COL27A1: variants seen among roughly 807,000 people sequenced by gnomAD.
The protein encoded by COL27A1 is collagen alpha-1(XXVII) chain.
In COL27A1, 106 loss-of-function variants were observed where a neutral mutation model predicts 251.3. The observed-to-expected ratio is 0.42, with a 90% CI of 0.36 to 0.50. The LOEUF (loss-of-function observed/expected upper bound fraction) is 0.50, where lower values mean the gene tolerates loss of function less well. COL27A1 is among the 20% of genes least tolerant of loss of function. The pLI, the probability that COL27A1 is intolerant of heterozygous loss-of-function variation, is 0.00. For missense variants in COL27A1, 2,325 were observed against 2,522.8 expected, an observed-to-expected ratio of 0.92 and a Z score of 1.68; for synonymous variants, 1,000 against 986.3, an observed-to-expected ratio of 1.01 and a Z score of -0.26.
chr9:114,289,611 G>T lies in COL27A1; in HGVS notation c.4206+316G>T, dbSNP rs1391383807. ...AAACTGGGAGAAGTCAATTGAGGGGGTCTGGAGGAAGAGGAGGCAGAGACA... is the reference window on the plus strand; with the variant it reads ...AAACTGGGAGAAGTCAATTGAGGGGTTCTGGAGGAAGAGGAGGCAGAGACA... On this transcript the variant is annotated intron_variant, in intron 45 of 60. Coordinates refer to ENST00000356083, the MANE Select transcript of COL27A1 (RefSeq NM_032888.4). Among the ~76,000 whole-genome samples the T allele has an allele frequency of 3.9e-5, 6 of 152,306 alleles. No individual in the cohort carries two copies. The East Asian group carries it at 1.2e-3, about 30-fold the overall frequency.
intron 8 of COL27A1, among the ~76,000 whole-genome samples, 156 bp downstream of exon 8, chr9:114,205,302 C>T (rs1003949646): frequency 6.6e-6 from 1 of 152,216 alleles, no homozygotes. Context: ...CACTCCAGTC[C>T]ACCCCACCTC....
intron 4 of COL27A1, among the ~76,000 whole-genome samples, chr9:114,180,862 C>T (rs570943726): frequency 6.6e-6 from 1 of 152,300 alleles, no homozygotes; most frequent in Non-Finnish European, 1.5e-5. Flanking sequence ...AGGAAGCCCC[C>T]ACCTTCAGAA....
intron 16 of COL27A1, among the ~76,000 whole-genome samples, chr9:114,233,065 C>G (rs1456446991): frequency 6.6e-6 from 1 of 152,116 alleles, no homozygotes; most frequent in Non-Finnish European, 1.5e-5. Flanking sequence ...AGCAAGACTC[C>G]CTCTCAAAAA....
intron 13 of COL27A1, 50 bp from the exon 14 acceptor site, chr9:114,222,173 C>T: frequency 6.4e-7 from 1 of 1,560,038 alleles, no homozygotes; most frequent in South Asian, 1.1e-5. Context: ...AGGGAGGGGC[C>T]CTGGAGGGAG....
intron 28 of COL27A1, among the ~76,000 whole-genome samples, chr9:114,264,008 C>T (rs867116271): frequency 1.3e-5 from 2 of 152,210 alleles, no homozygotes; most frequent in African/African-American, 4.8e-5. Flanking sequence ...GCCGTGTGGA[C>T]GTGGCCACGT....
intron 5 of COL27A1, among the ~76,000 whole-genome samples, chr9:114,193,226 G>T (rs114222458): frequency 0.028 from 4,215 of 152,248 alleles, 145 homozygotes; most frequent in African/African-American, 0.073. Flanking sequence ...GTGACACAGG[G>T]TGGACTGACT....
At chr9:114,213,891 C>G (rs1423328090) in intron 12 of COL27A1, among the ~76,000 whole-genome samples, 1 of 152,182 alleles carries the variant, frequency 6.6e-6, no homozygotes, top group Non-Finnish European at 1.5e-5. Context: ...CTCTGATCTT[C>G]ATGACAGGCG....
chr9:114,185,989 G>T (rs892504535), intron 5 of COL27A1, among the ~76,000 whole-genome samples: 4 of 152,220 alleles, frequency 2.6e-5, no homozygotes, highest in Non-Finnish European at 5.9e-5. Context: ...CCTCCGGAGG[G>T]TGCAGAAGAG....
chr9:114,201,966 G>A (rs1829611704), intron 7 of COL27A1, among the ~76,000 whole-genome samples: 1 of 152,188 alleles, frequency 6.6e-6, no homozygotes, highest in Admixed American at 6.5e-5. Flanking sequence ...TGTGGCCTCA[G>A]CAAAGTCTCT....
chr9:114,191,335 G>A (rs1377025708), intron 5 of COL27A1, among the ~76,000 whole-genome samples: 1 of 152,060 alleles, frequency 6.6e-6, no homozygotes, highest in Non-Finnish European at 1.5e-5. Flanking sequence ...CGTGTGCCAT[G>A]GTGGTTTGTT....
chr9:114,232,564 G>A (rs565250252), intron 16 of COL27A1, among the ~76,000 whole-genome samples: 3 of 152,244 alleles, frequency 2.0e-5, no homozygotes, highest in Admixed American at 6.5e-5. Flanking sequence ...GGGGGTGCAG[G>A]AGGGGTTCAG....
Position 114,183,025 on chromosome 9 carries a change from C to G in COL27A1, c.1966C>G (p.Pro656Ala), listed in dbSNP as rs1344379232. The change falls in exon 5 of 61, where the codon CCT (proline) becomes GCT (alanine). Residue 656 changes from proline (P) to alanine (A), a missense_variant. Physicochemically the swap from Pro to Ala is conservative, Grantham distance 27 (BLOSUM62 -1). This residue lies in a region of COL27A1 where 1,183 missense variants were observed against 1,144.1 expected (regional missense o/e 1.03). Coordinates refer to ENST00000356083, the MANE Select transcript of COL27A1 (RefSeq NM_032888.4). ...TTTTGTTCCTTGTCTCTTTCAGGGTCCTCCTGGGCCTTATGGAAATCCAGG... is the reference window on the plus strand; with the variant it reads ...TTTTGTTCCTTGTCTCTTTCAGGGTGCTCCTGGGCCTTATGGAAATCCAGG... ...GIPGARGPRG[P>A]PGPYGNPGLP... The G allele has an allele frequency of 1.9e-6, 3 of 1,613,560 alleles. No homozygotes were observed. The highest frequency in any genetic ancestry group is 1.7e-6 in the Non-Finnish European group (2 of 1,179,870).
intron 3 of COL27A1, among the ~76,000 whole-genome samples, chr9:114,175,031 C>A (rs151276382): frequency 0.061 from 644 of 10,552 alleles, 7 homozygotes; most frequent in African/African-American, 0.24. Context: ...GCTTGTAAAA[C>A]CTCTCATTGC....
intron 25 of COL27A1, among the ~76,000 whole-genome samples, chr9:114,252,245 G>GGGAT (rs1416877400): frequency 6.6e-6 from 1 of 152,202 alleles, no homozygotes; most frequent in East Asian, 1.9e-4. Context: ...CCTAGCCCAG[G>GGGAT]GGATGCCAGG....
chr9:114,214,010 C>T (rs1444310251), intron 12 of COL27A1, among the ~76,000 whole-genome samples: 1 of 152,174 alleles, frequency 6.6e-6, no homozygotes, highest in African/African-American at 2.4e-5. Context: ...CAACTCTGTT[C>T]CAGCCACCAT....
chr9:114,194,708 T>C (rs1828985351), intron 6 of COL27A1, among the ~76,000 whole-genome samples: 1 of 152,214 alleles, frequency 6.6e-6, no homozygotes, highest in Admixed American at 6.5e-5. Flanking sequence ...TGACAAAAGA[T>C]TTCTCCTATG....
chr9:114,215,870 A>G (rs1830680312), intron 12 of COL27A1, among the ~76,000 whole-genome samples: 2 of 152,208 alleles, frequency 1.3e-5, no homozygotes, highest in African/African-American at 4.8e-5. Flanking sequence ...CAGCCCTGCC[A>G]GGTGAGTGGG....
In COL27A1 at chr9:114,231,884, T is replaced by G; in HGVS notation, c.2565+18T>G. 6.2e-7 allele frequency: 1 copy of G among 1,613,370 alleles called. No individual in the cohort carries two copies. Among genetic ancestry groups the G allele is most frequent in the Non-Finnish European group, 8.5e-7 (1 of 1,179,320 alleles). On this transcript the variant is annotated intron_variant, in intron 16 of 60. Coordinates refer to ENST00000356083, the MANE Select transcript of COL27A1 (RefSeq NM_032888.4). ...GTGATAAGGTGATCTGAATACTCCC[T>G]TATTGCACTGTGGTTTCTCTGCATG...
intron 21 of COL27A1, among the ~76,000 whole-genome samples, chr9:114,241,695 A>T (rs1199775963): frequency 6.6e-6 from 1 of 152,146 alleles, no homozygotes; most frequent in Non-Finnish European, 1.5e-5. Context: ...CCCCTTAGAC[A>T]CGGCACCATC....
Sources: gnomAD v4.1 joint callset for allele counts (sites outside exome capture counted in the v4.1 genomes callset) on GRCh38, gnomAD v4.1.1 for gene constraint, gnomAD v4.1.1 regional missense constraint, MANE v1.5 for transcripts, NCBI Gene and HGNC (gene_info 2026-07-23, HGNC 2026-07-21) for gene names.